The following RBM22 variants were observed in gnomAD, a reference collection of about 807,000 sequenced individuals.
RBM22 encodes pre-mRNA-splicing factor RBM22.
A neutral mutation model predicts 50.1 loss-of-function variants in RBM22; 1 was observed. The observed-to-expected ratio is 0.02, with a 90% CI of 0.01 to 0.09. The LOEUF (loss-of-function observed/expected upper bound fraction) is 0.09. RBM22 is among the 10% of genes least tolerant of loss of function. RBM22 has a pLI of 1.00. For missense variants in RBM22, 264 were observed against 529.3 expected, an observed-to-expected ratio of 0.50 and a Z score of 4.92; for synonymous variants, 152 against 179.0, an observed-to-expected ratio of 0.85 and a Z score of 1.20.
At chr5:150,695,339 C>T (rs1181171605) in intron 7 of RBM22, 167 bp downstream of exon 7, 4 of 629,788 alleles carry the variant, frequency 6.4e-6, no homozygotes, top group Middle Eastern at 4.4e-4. Flanking sequence ...ATTACTGTGG[C>T]ACCATAAAGG....
rs368335113 is a variant in RBM22 at position 150,693,264 on chromosome 5, T to C, written c.955A>G (p.Thr319Ala). The change falls in exon 9 of 11, where the codon ACA (threonine) becomes GCA (alanine). Residue 319 changes from threonine (T) to alanine (A), a missense_variant. Physicochemically the swap from Thr to Ala is moderately conservative, Grantham distance 58. Transcript: ENST00000199814. ...RGKEKEKDGTTDSGIKLEPVP... is the reference protein window; with the variant it reads ...RGKEKEKDGTADSGIKLEPVP... Reference sequence around the variant, plus strand: ...GGTTCTAGTTTGATCCCAGAGTCTGTAGTTCCATCTTTCTCTTTTTCTTTT... The same window carrying C: ...GGTTCTAGTTTGATCCCAGAGTCTGCAGTTCCATCTTTCTCTTTTTCTTTT... The C allele has an allele frequency of 2.7e-5, 43 of 1,613,960 alleles. No individual in the cohort carries two copies. The highest frequency in any genetic ancestry group is 3.5e-5 in the Non-Finnish European group (41 of 1,179,982).
At chr5:150,693,334 G>A in intron 8 of RBM22, 27 bp from the exon 9 acceptor site, 1 of 1,571,372 alleles carries the variant, frequency 6.4e-7, no homozygotes, top group Non-Finnish European at 8.7e-7. Flanking sequence ...CATACAGTCG[G>A]CACTCTGGCC....
intron 4 of RBM22, chr5:150,697,795 G>T: frequency 3.4e-6 from 1 of 293,932 alleles, no homozygotes; most frequent in South Asian, 2.7e-5. Flanking sequence ...AGTCACCTAT[G>T]GTTAAAAAAA....
Position 150,698,426 on chromosome 5 carries a change from T to C in RBM22, c.271+73A>G, listed in dbSNP as rs116111067. 1.8e-3 allele frequency: 2,787 copies of C among 1,540,454 alleles called. 43 individuals are homozygous for C. The African/African-American group carries it at 0.033, about 18-fold the overall frequency. ...TCAGAACCAGAGCTAGGGTGCGAAGTGGGAGACAAAAGACTGACTTGTAGT... is the reference window on the plus strand; with the variant it reads ...TCAGAACCAGAGCTAGGGTGCGAAGCGGGAGACAAAAGACTGACTTGTAGT... On this transcript the variant is annotated intron_variant, in intron 4 of 10. Coordinates refer to ENST00000199814, the MANE Select transcript of RBM22 (RefSeq NM_018047.3).
In RBM22 at chr5:150,694,057, A is replaced by G; in HGVS notation, c.911+19T>C. ...AAAAATCTAAGCAAAATGTCACTTA[A>G]AAATAGTTTAATTCTCACCTTCCCC... On this transcript the variant is annotated intron_variant, in intron 8 of 10. Coordinates refer to ENST00000199814, the MANE Select transcript of RBM22 (RefSeq NM_018047.3). 1 of 1,605,062 alleles carries G rather than the reference A, an allele frequency of 6.2e-7. No homozygotes were observed. The highest frequency in any genetic ancestry group is 8.5e-7 in the Non-Finnish European group (1 of 1,175,886).
chr5:150,694,286 G>C, intron 7 of RBM22, 46 bp from the exon 8 acceptor site: 1 of 1,589,116 alleles, frequency 6.3e-7, no homozygotes, highest in Non-Finnish European at 8.6e-7. Flanking sequence ...AGTTAAAAAA[G>C]ATGTACCCAG....
At chr5:150,700,743 C>A (rs746474628) in intron 1 of RBM22, 189 bp downstream of exon 1, 2 of 1,539,706 alleles carry the variant, frequency 1.3e-6, no homozygotes, top group Non-Finnish European at 1.7e-6. Flanking sequence ...GTCCCGGGAC[C>A]CTGGCTAAGC....
rs974484887 is a variant in RBM22 at position 150,696,980 on chromosome 5, TCTC to T, written c.272-92_272-90del. 27 of 1,244,472 alleles carry T rather than the reference TCTC, an allele frequency of 2.2e-5. No individual in the cohort carries two copies. The highest frequency in any genetic ancestry group is 2.1e-4 in the Middle Eastern group (1 of 4,878). The allele number at this position is 1,244,472 out of a possible 1,614,324, so 77.1% of individuals were successfully genotyped here. A position where few individuals can be genotyped will look rare whatever the true frequency, so the allele number is the denominator to read the frequency against. On this transcript the variant is annotated intron_variant, in intron 4 of 10. Coordinates refer to ENST00000199814, the MANE Select transcript of RBM22 (RefSeq NM_018047.3). This position sits in a 1 kb window ranked among gnomAD's most constrained non-coding sequence, Gnocchi z 4.3. ...CACACAGAATACATCATCTTTCCCT[TCTC>T]CTCTTTCCTATTTAGTACCAGAGAC...
chr5:150,695,375 C>T, intron 7 of RBM22, 131 bp downstream of exon 7: 1 of 812,720 alleles, frequency 1.2e-6, no homozygotes, highest in Non-Finnish European at 1.9e-6. Flanking sequence ...TTCCAGTCAG[C>T]ATGATACTAA....
intron 10 of RBM22, 103 bp downstream of exon 10, chr5:150,692,792 G>C (rs1364199397): frequency 2.3e-6 from 3 of 1,303,176 alleles, no homozygotes; most frequent in African/African-American, 3.0e-5. Context: ...GACTTCTACA[G>C]AGCAAACTCA....
In RBM22 at chr5:150,691,435, T is replaced by C. The variant is rs1759207328; in HGVS notation, c.*316A>G. On this transcript the variant is annotated 3_prime_UTR_variant, in exon 11 of 11. Coordinates refer to ENST00000199814, the MANE Select transcript of RBM22 (RefSeq NM_018047.3). Reference sequence around the variant, plus strand: ...CCAAAAAATATACAAAATGAACATATAATTGGGAGGGTAACTCTGCTGGAC... The same window carrying C: ...CCAAAAAATATACAAAATGAACATACAATTGGGAGGGTAACTCTGCTGGAC... 4.9e-6 allele frequency: 1 copy of C among 202,360 alleles called. No individual in the cohort carries two copies. Among genetic ancestry groups the C allele is most frequent in the Non-Finnish European group, 9.8e-6 (1 of 101,668 alleles). The allele number at this position is 202,360 out of a possible 1,614,324, so 12.5% of individuals were successfully genotyped here. A position where few individuals can be genotyped will look rare whatever the true frequency, so the allele number is the denominator to read the frequency against.
chr5:150,695,558 T>C lies in RBM22; in HGVS notation c.694A>G (p.Thr232Ala). 1.9e-6 allele frequency: 3 copies of C among 1,614,064 alleles called. No individual in the cohort carries two copies. Among genetic ancestry groups the C allele is most frequent in the Non-Finnish European group, 1.7e-6 (2 of 1,179,998 alleles). Reference protein sequence around the residue: ...RLDPPEDKTITTLYVGGLGDT... With the variant: ...RLDPPEDKTIATLYVGGLGDT... ...CCTAGACCACCAACATATAGTGTGG[T>C]GATAGTTTTATCCTCTGGTGGGTCC... The change falls in exon 7 of 11, where the codon ACC becomes GCC. Residue 232 changes from threonine (T) to alanine (A), a missense_variant. By Grantham distance (58) the Thr-to-Ala change is moderately conservative. Transcript: ENST00000199814.
Position 150,691,129 on chromosome 5 carries a change from A to C in RBM22, c.*622T>G, listed in dbSNP as rs915023838. 1 of 152,378 alleles carries C rather than the reference A, an allele frequency of 6.6e-6. No individual in the cohort carries two copies. The highest frequency in any genetic ancestry group is 1.5e-5 in the Non-Finnish European group (1 of 68,052). 9.4% of individuals were successfully genotyped at this position (152,378 alleles called of 1,614,324 possible). ...TTCCATCCAGTTGACAGGAATAAAA[A>C]GGAATTTTTATTTTTGTCTTTTTTT... On this transcript the variant is annotated 3_prime_UTR_variant, in exon 11 of 11. Transcript: ENST00000199814.
intron 7 of RBM22, chr5:150,695,229 A>G: frequency 2.6e-6 from 1 of 383,014 alleles, no homozygotes. Context: ...TGGTCTCACT[A>G]TGTTGCTCAG....
In RBM22 at chr5:150,692,308, CT is replaced by C. The variant is rs1448166107; in HGVS notation, c.1133-428del. On this transcript the variant is annotated intron_variant, in intron 10 of 10. Coordinates refer to ENST00000199814, the MANE Select transcript of RBM22 (RefSeq NM_018047.3). ...GGGCTCTCTGCCACAGGAGAACTGG[CT>C]ACCTGTGATTTCCTTCCACTGTTAA... Among the ~76,000 whole-genome samples the C allele has an allele frequency of 7.2e-5, 11 of 152,318 alleles. No homozygotes were observed. In the South Asian group the frequency reaches 2.1e-3, roughly 29 times the overall value.
chr5:150,697,522 A>G (rs1452103608), intron 4 of RBM22, among the ~76,000 whole-genome samples: 2 of 152,222 alleles, frequency 1.3e-5, no homozygotes, highest in Non-Finnish European at 2.9e-5. Context: ...TTATTACAAC[A>G]TGATTTATTT....
rs770870209 is a variant in RBM22 at position 150,696,931 on chromosome 5, TA to T, written c.272-41del. On this transcript the variant is annotated intron_variant, in intron 4 of 10. Transcript: ENST00000199814. This position sits in a 1 kb window ranked among gnomAD's most constrained non-coding sequence, Gnocchi z 4.3. ...GAGGAAAAAGACCTCAGATGTATTT[TA>T]AAACATATCCATACTAACCATGCAC... The T allele has an allele frequency of 6.4e-7, 1 of 1,571,612 alleles. No individual in the cohort carries two copies. The highest frequency in any genetic ancestry group is 1.1e-5 in the South Asian group (1 of 89,892).
chr5:150,699,121 T>G (rs924500728), intron 3 of RBM22, 121 bp downstream of exon 3: 1 of 1,355,072 alleles, frequency 7.4e-7, no homozygotes. Context: ...CAGTAATACA[T>G]AAAAAGTTGT....
chr5:150,696,687 T>G lies in RBM22; in HGVS notation c.391A>C (p.Thr131Pro). Residue 131 changes from threonine (T) to proline (P), a missense_variant, in exon 6 of 11, where the codon ACA becomes CCA. Transcript: ENST00000199814. This position sits in a 1 kb window ranked among gnomAD's most constrained non-coding sequence, Gnocchi z 4.3. Reference sequence around the variant, plus strand: ...TTCCCCAGCATGCCAACTGGCCGTGTTCCATCAGAGTTAGAAATCTAAGTG... The same window carrying G: ...TTCCCCAGCATGCCAACTGGCCGTGGTCCATCAGAGTTAGAAATCTAAGTG... ...MEREISNSDG[T>P]RPVGMLGKAT... The G allele has an allele frequency of 6.2e-7, 1 of 1,614,222 alleles. No homozygotes were observed. The highest frequency in any genetic ancestry group is 8.5e-7 in the Non-Finnish European group (1 of 1,180,048).
Sources: gnomAD v4.1 joint callset for allele counts (sites outside exome capture counted in the v4.1 genomes callset) on GRCh38, gnomAD v4.1.1 for gene constraint, Gnocchi (gnomAD v3.1) non-coding constraint, MANE v1.5 for transcripts, NCBI Gene and HGNC (gene_info 2026-07-23, HGNC 2026-07-21) for gene names.